RBFOX1: variants seen among roughly 807,000 people sequenced by gnomAD.
RBFOX1 encodes the protein RNA binding protein fox-1 homolog 1.
A neutral mutation model predicts 57.7 loss-of-function variants in RBFOX1; 8 were observed. The ratio of observed to expected loss-of-function variants is 0.14; its 90% CI spans 0.08 to 0.25. The LOEUF (loss-of-function observed/expected upper bound fraction) is 0.25, where lower values mean the gene tolerates loss of function less well. Ranked by LOEUF, RBFOX1 falls within the 10% of genes least tolerant of loss-of-function variation. The pLI is 1.00. For synonymous variants in RBFOX1, 326 were observed against 222.4 expected, an observed-to-expected ratio of 1.47 and a Z score of -4.15; for missense variants, 611 against 548.5, an observed-to-expected ratio of 1.11 and a Z score of -1.14.
chr16:6,883,663 T>C (rs2063392736), intron 3 of RBFOX1, among the ~76,000 whole-genome samples: 1 of 152,220 alleles, frequency 6.6e-6, no homozygotes, highest in Non-Finnish European at 1.5e-5. Context: ...GTAGTAAGTA[T>C]TGAAACCTTG....
intron 2 of RBFOX1, among the ~76,000 whole-genome samples, chr16:6,557,535 G>A (rs867227467): frequency 2.0e-5 from 3 of 152,078 alleles, no homozygotes; most frequent in Non-Finnish European, 4.4e-5. Context: ...AAAAGTTGGC[G>A]GCTGTCTGAC....
At chr16:6,117,328 A>G (rs2096507602) in intron 1 of RBFOX1, among the ~76,000 whole-genome samples, 1 of 152,242 alleles carries the variant, frequency 6.6e-6, no homozygotes, top group South Asian at 2.1e-4. Flanking sequence ...CTCAGAAGAC[A>G]GCTTCACCTT....
intron 3 of RBFOX1, among the ~76,000 whole-genome samples, chr16:6,796,012 G>T (rs1379103903): frequency 2.0e-5 from 3 of 151,986 alleles, no homozygotes; most frequent in Non-Finnish European, 4.4e-5. Flanking sequence ...TACTGTATTA[G>T]TCCATTTTCA....
intron 2 of RBFOX1, among the ~76,000 whole-genome samples, chr16:6,321,709 G>A (rs1021798858): frequency 1.3e-5 from 2 of 152,208 alleles, no homozygotes; most frequent in Admixed American, 6.5e-5. Flanking sequence ...GAAGAATGAA[G>A]AGATAGATAA....
intron 3 of RBFOX1, among the ~76,000 whole-genome samples, chr16:6,696,489 A>G (rs966747603): frequency 3.3e-5 from 5 of 152,188 alleles, no homozygotes; most frequent in African/African-American, 1.2e-4. Context: ...TCCAGAGGTA[A>G]TGAGATTCAG....
intron 1 of RBFOX1, among the ~76,000 whole-genome samples, chr16:6,239,092 A>C (rs1272974194): frequency 6.6e-6 from 1 of 152,078 alleles, no homozygotes; most frequent in Non-Finnish European, 1.5e-5. Context: ...AGAACCTCTA[A>C]TATAAAGCTT....
At chr16:6,101,123 G>C (rs984326504) in intron 1 of RBFOX1, among the ~76,000 whole-genome samples, 1 of 152,128 alleles carries the variant, frequency 6.6e-6, no homozygotes, top group Non-Finnish European at 1.5e-5. Context: ...TGTAAAATGG[G>C]TATAATACTG....
chr16:7,220,152 A>G (rs2092611722), intron 4 of RBFOX1, among the ~76,000 whole-genome samples: 1 of 152,044 alleles, frequency 6.6e-6, no homozygotes, highest in Admixed American at 6.6e-5. Context: ...TCCCCTCCCC[A>G]CTCCCGACAA....
At chr16:5,534,937 A>T (rs893402382) in intron 2 of RBFOX1, among the ~76,000 whole-genome samples, 1 of 152,200 alleles carries the variant, frequency 6.6e-6, no homozygotes, top group Non-Finnish European at 1.5e-5. Context: ...AGAGGAATAG[A>T]CATTCATCCA....
At chr16:6,591,997 A>G (rs1600835743) in intron 2 of RBFOX1, among the ~76,000 whole-genome samples, 2 of 152,312 alleles carry the variant, frequency 1.3e-5, no homozygotes, top group Admixed American at 6.5e-5. Context: ...CTTCCTAAGC[A>G]TCCTATTATT....
intron 1 of RBFOX1, among the ~76,000 whole-genome samples, chr16:6,118,878 G>T (rs2096527204): frequency 6.6e-6 from 1 of 151,052 alleles, no homozygotes; most frequent in Non-Finnish European, 1.5e-5. Context: ...GAGGGCTCTT[G>T]TCCCATGACC....
At chr16:5,688,473 A>G (rs1011262027) in intron 3 of RBFOX1, among the ~76,000 whole-genome samples, 1 of 152,176 alleles carries the variant, frequency 6.6e-6, no homozygotes, top group Admixed American at 6.6e-5. Flanking sequence ...AGCCTCTTGA[A>G]CGATGCATTT....
At chr16:6,502,671 G>C (rs2095972297) in intron 2 of RBFOX1, among the ~76,000 whole-genome samples, 1 of 152,102 alleles carries the variant, frequency 6.6e-6, no homozygotes, top group Non-Finnish European at 1.5e-5. Context: ...CTTTTCTATT[G>C]TTAACTCTTT....
intron 4 of RBFOX1, among the ~76,000 whole-genome samples, chr16:5,900,754 T>C (rs2152179967): frequency 6.6e-6 from 1 of 152,264 alleles, no homozygotes; most frequent in East Asian, 1.9e-4. Flanking sequence ...GAGGAGGGGA[T>C]GGTGCCAGGA....
At chr16:5,503,783 T>A (rs996406620) in intron 2 of RBFOX1, among the ~76,000 whole-genome samples, 1 of 152,152 alleles carries the variant, frequency 6.6e-6, no homozygotes, top group Non-Finnish European at 1.5e-5. Context: ...TGTGCAACCA[T>A]CTCCACCATC....
At chr16:5,879,314 C>A (rs140747325) in intron 4 of RBFOX1, among the ~76,000 whole-genome samples, 2 of 152,172 alleles carry the variant, frequency 1.3e-5, no homozygotes, top group Non-Finnish European at 2.9e-5. Flanking sequence ...CTCCTCAGAT[C>A]GTATTTGGAC....
chr16:5,839,460 C>T (rs1450920329), intron 3 of RBFOX1, among the ~76,000 whole-genome samples: 4 of 152,144 alleles, frequency 2.6e-5, no homozygotes, highest in Non-Finnish European at 5.9e-5. Flanking sequence ...CCTGATTCAC[C>T]AGATGCAGAT....
At chr16:7,038,464 T>C (rs2045190230) in intron 3 of RBFOX1, among the ~76,000 whole-genome samples, 1 of 152,180 alleles carries the variant, frequency 6.6e-6, no homozygotes, top group Non-Finnish European at 1.5e-5. Context: ...ATCTGGAGAA[T>C]AAAAATGTAC....
At chr16:7,227,544 TG>T (rs1567796486) in intron 4 of RBFOX1, among the ~76,000 whole-genome samples, 1 of 152,188 alleles carries the variant, frequency 6.6e-6, no homozygotes, top group African/African-American at 2.4e-5. Context: ...GTGGTTTCCC[TG>T]GGGGCAGCTT....
Sources: allele counts gnomAD v4.1 joint callset (sites outside exome capture counted in the v4.1 genomes callset), GRCh38; gene constraint gnomAD v4.1.1; transcripts MANE v1.5; gene names NCBI Gene and HGNC (gene_info 2026-07-23, HGNC 2026-07-21).